Variants in FBN3 observed in about 807,000 individuals in gnomAD.
FBN3 encodes fibrillin 3.
FBN3 carries 234 observed loss-of-function variants against 330.1 expected under a neutral mutation model. The ratio of observed to expected loss-of-function variants is 0.71; its 90% CI spans 0.64 to 0.79. The LOEUF is 0.79. Ranked by LOEUF, FBN3 falls within the 30% of genes least tolerant of loss-of-function variation. The probability of loss-of-function intolerance (pLI) is 0.00; values close to 1 mark genes in which losing one functional copy is unlikely to be tolerated. For synonymous variants in FBN3, 1,458 were observed against 1,517.3 expected, an observed-to-expected ratio of 0.96 and a Z score of 0.91; for missense variants, 3,606 against 3,886.9, an observed-to-expected ratio of 0.93 and a Z score of 1.92.
At chr19:8,118,768 G>A in intron 26 of FBN3, 129 bp downstream of exon 26, 2 of 1,164,744 alleles carry the variant, frequency 1.7e-6, no homozygotes, top group Non-Finnish European at 2.5e-6. Flanking sequence ...CTCACACATA[G>A]GTATGGCCTC....
chr19:8,109,878 A>G lies in FBN3; in HGVS notation c.4334-125T>C. 9.3e-7 allele frequency: 1 copy of G among 1,080,110 alleles called. No homozygotes were observed. 66.9% of individuals were successfully genotyped at this position (1,080,110 alleles called of 1,614,324 possible). ...CTCCTGGGCACCAGATTGTGGGACA[A>G]TGTCATGTCCTTCCCTGGGAAGAAA... On this transcript the variant is annotated intron_variant, in intron 34 of 63. Transcript: ENST00000600128. The surrounding 1 kb of genome is among the most constrained non-coding windows in gnomAD (Gnocchi z 5.2).
In FBN3 at chr19:8,088,060, C is replaced by T; in HGVS notation, c.6496G>A (p.Asp2166Asn). The T allele has an allele frequency of 6.2e-7, 1 of 1,614,120 alleles. No individual in the cohort carries two copies. Among genetic ancestry groups the T allele is most frequent in the Non-Finnish European group, 8.5e-7 (1 of 1,180,024 alleles). Residue 2166 changes from aspartate (D) to asparagine (N), a missense_variant and splice_region_variant, in exon 52 of 64, where the codon GAC becomes AAC. By Grantham distance (23) the Asp-to-Asn change is conservative. Transcript: ENST00000600128. ...AGGTCCTGGGCAAGCAGAGTTGTAC[C>T]CTCGCAGGTCATCATGAGGCCAGGC... is the stretch of plus-strand genomic sequence containing the variant. ...FEPGLMMTCE[D>N]IDECSLNPLL...
At chr19:8,144,467 G>C (rs977779241) in intron 6 of FBN3, among the ~76,000 whole-genome samples, 4 of 151,788 alleles carry the variant, frequency 2.6e-5, no homozygotes, top group Admixed American at 1.3e-4. Context: ...CACCCTACCA[G>C]ATCCAGCTGA....
chr19:8,117,384 G>A, intron 27 of FBN3, 80 bp downstream of exon 27: 1 of 1,544,584 alleles, frequency 6.5e-7, no homozygotes, highest in South Asian at 1.2e-5. Context: ...GAGTGGAGTT[G>A]AGGTGAGGAC....
At position 8,073,207 on chromosome 19, in the gene FBN3, C is replaced by A; in HGVS notation, c.7793G>T (p.Gly2598Val). 1 of 1,614,034 alleles carries A rather than the reference C, an allele frequency of 6.2e-7. No individual in the cohort carries two copies. Among genetic ancestry groups the A allele is most frequent in the Non-Finnish European group, 8.5e-7 (1 of 1,179,996 alleles). The change falls in exon 62 of 64, where the codon GGC becomes GTC. Residue 2598 changes from glycine to valine, a missense_variant. Gly to Val is a moderately radical substitution (Grantham distance 109). Transcript: ENST00000600128. ...CCCGAGGGCCTGATCAAAGTCAAAG[C>A]CAGAGGGGCAGACGCAGCGGAAGCC... ...LGGFRCVCPS[G>V]FDFDQALGGC...
chr19:8,089,213 G>C, intron 51 of FBN3, among the ~76,000 whole-genome samples: 1 of 152,156 alleles, frequency 6.6e-6, no homozygotes, highest in East Asian at 1.9e-4. Flanking sequence ...GAATTGGTAA[G>C]TGAATGAATA....
chr19:8,096,459 G>T lies in FBN3; in HGVS notation c.5524C>A (p.Gln1842Lys). The T allele has an allele frequency of 6.2e-7, 1 of 1,613,890 alleles. No homozygotes were observed. The highest frequency in any genetic ancestry group is 8.5e-7 in the Non-Finnish European group (1 of 1,179,900). The change falls in exon 44 of 64, where the codon CAG (glutamine) becomes AAG (lysine). Residue 1842 changes from glutamine (Q) to lysine (K), a missense_variant. Gln to Lys is a moderately conservative substitution (Grantham distance 53). Transcript: ENST00000600128. The surrounding 1 kb of genome is among the most constrained non-coding windows in gnomAD (Gnocchi z 4.6). The part of the protein sequence containing the change: ...CHRGFQASAD[Q>K]TLCMDIDECD... ...AGGGTCTCACCCATGCACAGGGTCT[G>T]GTCTGCAGAGGCCTGGAATCCACGG...
At chr19:8,124,980 G>T (rs959367746) in intron 22 of FBN3, among the ~76,000 whole-genome samples, 4 of 152,220 alleles carry the variant, frequency 2.6e-5, no homozygotes, top group African/African-American at 9.7e-5. Flanking sequence ...AGATGACAAT[G>T]CTGTACCCGT....
At chr19:8,076,994 G>A (rs1568358199) in intron 59 of FBN3, among the ~76,000 whole-genome samples, 1 of 152,248 alleles carries the variant, frequency 6.6e-6, no homozygotes, top group South Asian at 2.1e-4. Context: ...AAACTCCTGG[G>A]CACAAGAGAT....
rs766895147 is a variant in FBN3 at position 8,126,621 on chromosome 19, G to A, written c.2417-16C>T. The A allele has an allele frequency of 2.6e-5, 41 of 1,604,910 alleles. No homozygotes were observed. The highest frequency in any genetic ancestry group is 3.2e-5 in the Non-Finnish European group (38 of 1,178,482). ...TTGGTGCTGTCTGGGGAGAAGAGGCGGGTCACCTGTCTCACCTGCCGGCCC... is the reference window on the plus strand; with the variant it reads ...TTGGTGCTGTCTGGGGAGAAGAGGCAGGTCACCTGTCTCACCTGCCGGCCC... On this transcript the variant is annotated splice_polypyrimidine_tract_variant and intron_variant, in intron 19 of 63. Coordinates refer to ENST00000600128, the MANE Select transcript of FBN3 (RefSeq NM_032447.5).
At chr19:8,095,236 G>T (rs2144723327) in intron 46 of FBN3, 139 bp downstream of exon 46, 1 of 913,364 alleles carries the variant, frequency 1.1e-6, no homozygotes, top group Non-Finnish European at 1.5e-6. Flanking sequence ...CTCCCAAAGT[G>T]CTGGGTATTT....
At position 8,090,212 on chromosome 19, in the gene FBN3, C is replaced by T. The variant is rs766520460; in HGVS notation, c.6071G>A (p.Gly2024Glu). The T allele has an allele frequency of 1.2e-6, 2 of 1,613,952 alleles. No homozygotes were observed. The highest frequency in any genetic ancestry group is 1.7e-5 in the Admixed American group (1 of 59,998). The change falls in exon 49 of 64, where the codon GGG becomes GAG. Residue 2024 changes from glycine to glutamate, a missense_variant. By Grantham distance (98) the Gly-to-Glu change is moderately conservative. Transcript: ENST00000600128. ...GAAAGCTTTGGGCACCGAGCACTTC[C>T]CAGCCTCAAAACGGGTGAAGCAGAA... ...QSFCFTRFEA[G>E]KCSVPKAFNT... is the part of the protein sequence containing the mutation.
chr19:8,105,537 C>T (rs1441135379), intron 38 of FBN3, among the ~76,000 whole-genome samples: 1 of 152,220 alleles, frequency 6.6e-6, no homozygotes, highest in Non-Finnish European at 1.5e-5. Context: ...GGATTACCAG[C>T]TTGAGCTGCC....
At chr19:8,115,468 T>G in intron 30 of FBN3, 47 bp downstream of exon 30, 1 of 1,600,530 alleles carries the variant, frequency 6.2e-7, no homozygotes, top group East Asian at 2.2e-5. Context: ...ATTCCCAAAA[T>G]GGCCCCGGGG....
chr19:8,088,182 G>A lies in FBN3; in HGVS notation c.6377-3C>T. 1 of 1,591,650 alleles carries A rather than the reference G, an allele frequency of 6.3e-7. No individual in the cohort carries two copies. Among genetic ancestry groups the A allele is most frequent in the Non-Finnish European group, 8.6e-7 (1 of 1,166,882 alleles). On this transcript the variant is annotated splice_polypyrimidine_tract_variant and splice_region_variant and intron_variant, in intron 51 of 63. Transcript: ENST00000600128. ...GCCGACAGAGCACTCGTCTGTGTCT[G>A]GGTGGGAGTAAGGGGGTGGTCAGCA... is the stretch of plus-strand genomic sequence containing the variant.
intron 13 of FBN3, 25 bp downstream of exon 13, chr19:8,135,936 G>GACCCCCCCCCCC: frequency 6.0e-6 from 4 of 668,778 alleles, no homozygotes; most frequent in Admixed American, 2.9e-5. Flanking sequence ...GGAAGCCCCT[G>GACCCCCCCCCCC]CCCACCCGCC....
rs201397383 is a variant in FBN3, at chr19:8,109,332, A to G, written c.4513T>C (p.Ser1505Pro). The G allele has an allele frequency of 6.2e-7, 1 of 1,614,130 alleles. No homozygotes were observed. The highest frequency in any genetic ancestry group is 1.3e-5 in the African/African-American group (1 of 75,022). Reference protein sequence around the residue: ...ETHDRGDSGISCSAEIGVGVT... With the variant: ...ETHDRGDSGIPCSAEIGVGVT... ...CCAACTCCGATCTCGGCACTGCAGG[A>G]AATGCCACTGTCCCCTCGGTCATGC... The change falls in exon 36 of 64, where the codon TCC becomes CCC. Residue 1505 changes from serine to proline, a missense_variant. Physicochemically the swap from Ser to Pro is moderately conservative, Grantham distance 74 (BLOSUM62 -1). Coordinates refer to ENST00000600128, the MANE Select transcript of FBN3 (RefSeq NM_032447.5). The surrounding 1 kb of genome is among the most constrained non-coding windows in gnomAD (Gnocchi z 5.2).
chr19:8,088,263 C>G, intron 51 of FBN3, 84 bp from the exon 52 acceptor site: 1 of 1,494,514 alleles, frequency 6.7e-7, no homozygotes, highest in Non-Finnish European at 9.0e-7. Flanking sequence ...TGTTGACCAC[C>G]ACAGATCGGA....
At chr19:8,072,293 T>C (rs1300933699) in intron 62 of FBN3, 95 bp from the exon 63 acceptor site, 21 of 1,304,836 alleles carry the variant, frequency 1.6e-5, no homozygotes, top group African/African-American at 9.0e-5. Context: ...TTCTGAGTCA[T>C]GCTGCAAATG....
Sources: gnomAD v4.1 joint callset for allele counts (sites outside exome capture counted in the v4.1 genomes callset) on GRCh38, gnomAD v4.1.1 for gene constraint, Gnocchi (gnomAD v3.1) non-coding constraint, MANE v1.5 for transcripts, NCBI Gene and HGNC (gene_info 2026-07-23, HGNC 2026-07-21) for gene names.